The following PASK variants were observed in gnomAD, a reference collection of about 807,000 sequenced individuals.
PASK encodes the protein PAS domain containing serine/threonine kinase, also known as PAS domain-containing serine/threonine-protein kinase.
PASK carries 110 observed loss-of-function variants against 121.0 expected under a neutral mutation model. The ratio of observed to expected loss-of-function variants is 0.91; its 90% CI spans 0.78 to 1.06. The LOEUF is 1.06. Among genes scored for constraint, PASK ranks in the 50% least tolerant of loss-of-function variants. PASK has a pLI of 0.00. For synonymous variants in PASK, 686 were observed against 717.8 expected (o/e 0.96, Z 0.71); for missense variants, 1,643 against 1,702.3 (o/e 0.97, Z 0.61).
rs146219306 is a variant in PASK, at chr2:241,127,077, T to C, written c.1838A>G (p.Tyr613Cys). The change falls in exon 10 of 18, where the codon TAT (tyrosine) becomes TGT (cysteine). Residue 613 changes from tyrosine (Y) to cysteine (C), a missense_variant. Transcript: ENST00000234040. ...CCACCACAAGCCCCATTCACTCCCA[T>C]AGCAAGGGCAGTGCATCAGGAGGCT... The part of the protein sequence containing the change: ...GGSLLMHCPC[Y>C]GSEWGLWWRS... 92 of 1,613,928 alleles carry C rather than the reference T, an allele frequency of 5.7e-5. No individual in the cohort carries two copies. Among genetic ancestry groups the C allele is most frequent in the Middle Eastern group, 4.9e-4 (3 of 6,084 alleles).
chr2:241,149,859 G>C, upstream of PASK: 1 of 1,466,192 alleles, frequency 6.8e-7, no homozygotes, highest in Non-Finnish European at 9.0e-7. Context: ...GAGCCCAGCT[G>C]GCGCCCCGGA....
At chr2:241,111,732 T>C (rs912146598) in intron 15 of PASK, among the ~76,000 whole-genome samples, 1 of 152,102 alleles carries the variant, frequency 6.6e-6, no homozygotes, top group African/African-American at 2.4e-5. Context: ...GAGCAGAGGC[T>C]CAGCTGGCCC....
intron 12 of PASK, among the ~76,000 whole-genome samples, chr2:241,119,697 C>G (rs1172566038): frequency 6.6e-6 from 1 of 152,174 alleles, no homozygotes; most frequent in Non-Finnish European, 1.5e-5. Flanking sequence ...GTCTCGATCT[C>G]CTGACCTCGT....
chr2:241,143,119 A>C, intron 1 of PASK, 45 bp from the exon 2 acceptor site: 2 of 1,017,416 alleles, frequency 2.0e-6, no homozygotes, highest in Non-Finnish European at 3.1e-6. Flanking sequence ...ATGCAAAAAC[A>C]CAAAGACAGT....
intron 2 of PASK, among the ~76,000 whole-genome samples, chr2:241,142,634 T>C (rs1265243217): frequency 6.6e-6 from 1 of 152,208 alleles, no homozygotes; most frequent in African/African-American, 2.4e-5. Context: ...GCCAGCTGCC[T>C]GGGAATCACA....
chr2:241,142,545 C>G (rs1328025339), intron 2 of PASK, among the ~76,000 whole-genome samples: 1 of 152,212 alleles, frequency 6.6e-6, no homozygotes, highest in Non-Finnish European at 1.5e-5. Flanking sequence ...CTCACATACT[C>G]TAAAGTAAGA....
At chr2:241,149,755 G>C (rs1305218546), upstream of PASK, 1 of 1,540,962 alleles carries the variant, frequency 6.5e-7, no homozygotes, top group Non-Finnish European at 8.7e-7. Context: ...TCTGAAGGCG[G>C]AGGACGCGGG....
At position 241,107,497 on chromosome 2, in the gene PASK, G is replaced by A. The variant is rs2064937887; in HGVS notation, c.3670C>T (p.Leu1224Phe). 1 of 1,613,804 alleles carries A rather than the reference G, an allele frequency of 6.2e-7. No homozygotes were observed. Among genetic ancestry groups the A allele is most frequent in the African/African-American group, 1.3e-5 (1 of 74,916 alleles). Residue 1224 changes from leucine to phenylalanine, a missense_variant and splice_region_variant, in exon 17 of 18, where the codon CTC (leucine) becomes TTC (phenylalanine). Transcript: ENST00000234040. ...IHPPYLVSKE[L>F]MSLVSGLLQP... ...AGCAGCCCAGACACAAGGCTCATGA[G>A]TTCTGGGGACACAAAGAACACAGAT...
intron 4 of PASK, 88 bp downstream of exon 4, chr2:241,139,797 A>C: frequency 3.1e-6 from 4 of 1,270,696 alleles, no homozygotes; most frequent in Non-Finnish European, 4.5e-6. Context: ...AACCCCCAGC[A>C]GAGCTCCTGG....
At chr2:241,119,031 C>A in intron 12 of PASK, 2 of 730,582 alleles carry the variant, frequency 2.7e-6, no homozygotes, top group Non-Finnish European at 3.4e-6. Context: ...GTTCCCAGCC[C>A]TGAGGCCCAC....
At chr2:241,109,817 T>C (rs1266515242) in intron 15 of PASK, 2 of 152,234 alleles carry the variant, frequency 1.3e-5, no homozygotes, top group African/African-American at 4.8e-5. Flanking sequence ...AGAACAGAGG[T>C]TGGCAAACTT....
At chr2:241,122,674 A>C in intron 12 of PASK, 58 bp downstream of exon 12, 1 of 1,537,822 alleles carries the variant, frequency 6.5e-7, no homozygotes, top group South Asian at 1.1e-5. Context: ...CTGGGACCAA[A>C]AGTCGAGAGC....
In PASK at chr2:241,108,294, T is replaced by C. The variant is rs547337626; in HGVS notation, c.3540A>G (p.Arg1180=). The C allele has an allele frequency of 6.2e-7, 1 of 1,613,952 alleles. No homozygotes were observed. Among genetic ancestry groups the C allele is most frequent in the Admixed American group, 1.7e-5 (1 of 60,016 alleles). ...GAGACCACATCTCCAGCTCCGGCCC[T>C]CTGTAGCTGTGAGGAGGAGGAGGCA... ...APEVLMGNPY[R]GPELEMWSLG... Residue 1180 remains arginine, a synonymous_variant, in exon 16 of 18, where the codon AGA becomes AGG. Coordinates refer to ENST00000234040, the MANE Select transcript of PASK (RefSeq NM_015148.4). This position sits in a 1 kb window ranked among gnomAD's most constrained non-coding sequence, Gnocchi z 5.2.
intron 17 of PASK, 92 bp from the exon 18 acceptor site, chr2:241,106,815 G>T: frequency 7.6e-7 from 1 of 1,314,430 alleles, no homozygotes; most frequent in Non-Finnish European, 1.1e-6. Context: ...TAGAACAAAA[G>T]CCTAAGGTGA....
intron 12 of PASK, among the ~76,000 whole-genome samples, chr2:241,122,377 G>A (rs997545584): frequency 1.3e-5 from 2 of 152,240 alleles, no homozygotes; most frequent in African/African-American, 2.4e-5. Flanking sequence ...TGCAGTGCCC[G>A]TGAGATATGA....
At chr2:241,129,100 A>G (rs1035279904) in intron 9 of PASK, among the ~76,000 whole-genome samples, 21 of 152,072 alleles carry the variant, frequency 1.4e-4, no homozygotes, top group African/African-American at 4.3e-4. Flanking sequence ...TGCTTGAGAC[A>G]AACCCCATGC....
At chr2:241,129,037 T>C (rs557031221) in intron 9 of PASK, among the ~76,000 whole-genome samples, 4 of 147,166 alleles carry the variant, frequency 2.7e-5, no homozygotes, top group Non-Finnish European at 6.0e-5. Flanking sequence ...TCCCTCCATG[T>C]CTCCCATCTC....
At chr2:241,123,867 G>GA in intron 11 of PASK, 82 bp downstream of exon 11, 1 of 1,186,944 alleles carries the variant, frequency 8.4e-7, no homozygotes. Flanking sequence ...CGTCCCCAAG[G>GA]AAACAGAGAG....
At chr2:241,133,538 C>T (rs1485459746) in intron 8 of PASK, 1 of 213,492 alleles carries the variant, frequency 4.7e-6, no homozygotes, top group African/African-American at 2.3e-5. Context: ...TGCCTTCCTC[C>T]CGAGCTCTGG....
Sources: allele counts gnomAD v4.1 joint callset (sites outside exome capture counted in the v4.1 genomes callset), GRCh38; gene constraint gnomAD v4.1.1; non-coding constraint Gnocchi (gnomAD v3.1); transcripts MANE v1.5; gene names NCBI Gene and HGNC (gene_info 2026-07-23, HGNC 2026-07-21).